The following NUP188 variants were observed in gnomAD, a reference collection of about 807,000 sequenced individuals.
NUP188 encodes the protein nucleoporin NUP188.
In NUP188, 97 loss-of-function variants were observed where a neutral mutation model predicts 223.0. That is an observed-to-expected ratio of 0.43 (90% CI 0.37 to 0.51). NUP188 has a LOEUF of 0.51. Among genes scored for constraint, NUP188 ranks in the 20% least tolerant of loss-of-function variants. The pLI is 0.00. For missense variants in NUP188, 1,947 were observed against 2,175.6 expected (o/e 0.89, Z 2.09); for synonymous variants, 869 against 828.0 (o/e 1.05, Z -0.85).
chr9:128,994,331 G>A (rs1490444367), intron 27 of NUP188, 42 bp from the exon 28 acceptor site: 4 of 1,380,578 alleles, frequency 2.9e-6, no homozygotes, highest in Non-Finnish European at 4.1e-6. Flanking sequence ...ATGACTGTGA[G>A]AGGGAAAAAG....
chr9:128,970,885 G>A lies in NUP188; in HGVS notation c.1040G>A (p.Gly347Asp), dbSNP rs1399633508. Residue 347 changes from glycine (G) to aspartate (D), a missense_variant, in exon 11 of 44, where the codon GGC becomes GAC. This residue lies in a region of NUP188 where 817 missense variants were observed against 865.8 expected (regional missense o/e 0.94). Coordinates refer to ENST00000372577, the MANE Select transcript of NUP188 (RefSeq NM_015354.3). ...AGCAGTGTGGTCCGGAAGATAGGTG[G>A]CACAGCCATCCAGCTGAATGTGTTT... ...ETSSVVRKIG[G>D]TAIQLNVFQY... 8 of 1,614,086 alleles carry A rather than the reference G, an allele frequency of 5.0e-6. 1 individual carries two copies. The South Asian group carries it at 7.7e-5, about 16-fold the overall frequency.
intron 8 of NUP188, among the ~76,000 whole-genome samples, chr9:128,963,408 C>T (rs1344913544): frequency 6.6e-6 from 1 of 151,636 alleles, no homozygotes; most frequent in Admixed American, 6.6e-5. Flanking sequence ...GCCTCAGCCT[C>T]CTGAGTAGCT....
intron 2 of NUP188, among the ~76,000 whole-genome samples, chr9:128,952,110 A>C (rs139602631): frequency 6.6e-6 from 1 of 152,234 alleles, no homozygotes; most frequent in African/African-American, 2.4e-5. Flanking sequence ...ATTATTAATA[A>C]AACTGCATTT....
Position 128,982,624 on chromosome 9 carries a change from G to T in NUP188, c.1592G>T (p.Arg531Leu), listed in dbSNP as rs750706979. ...VMLDDRAYLV[R>L]WEYSYSSWTL... ...TTGGATGATAGGGCATACCTGGTACGCTGGGAATACTCCTATAGCAGCTGG... is the reference window on the plus strand; with the variant it reads ...TTGGATGATAGGGCATACCTGGTACTCTGGGAATACTCCTATAGCAGCTGG... Residue 531 changes from arginine (R) to leucine (L), a missense_variant, in exon 16 of 44, where the codon CGC becomes CTC. This residue lies in a region of NUP188 where 817 missense variants were observed against 865.8 expected (regional missense o/e 0.94). Coordinates refer to ENST00000372577, the MANE Select transcript of NUP188 (RefSeq NM_015354.3). The T allele has an allele frequency of 5.0e-6, 8 of 1,614,134 alleles. No individual in the cohort carries two copies. In the South Asian group the frequency reaches 7.7e-5, roughly 16 times the overall value.
chr9:129,006,077 C>T lies in NUP188; in HGVS notation c.4897C>T (p.Gln1633Ter). 6.2e-7 allele frequency: 1 copy of T among 1,614,140 alleles called. No homozygotes were observed. Among genetic ancestry groups the T allele is most frequent in the Non-Finnish European group, 8.5e-7 (1 of 1,180,022 alleles). ...GGACAAGAAAAAGGAGCCCCTCACC[C>T]AGGCAGTGGGGCTCAGCACACAGGC... The part of the protein sequence containing the change: ...ELDKKKEPLT[Q>*]AVGLSTQAEG... Residue 1633 changes from glutamine to a stop codon, truncating the protein, a stop_gained, in exon 42 of 44, where the codon CAG becomes TAG. Coordinates refer to ENST00000372577, the MANE Select transcript of NUP188 (RefSeq NM_015354.3). LOFTEE classifies it high-confidence loss of function.
At position 128,994,258 on chromosome 9, in the gene NUP188, A is replaced by G. The variant is rs973490684; in HGVS notation, c.3018-115A>G. ...CGGGAACAACTGACTTATCAGACAC[A>G]TATTAGGATTGAGACTGGTAAAATA... On this transcript the variant is annotated intron_variant, in intron 27 of 43. Coordinates refer to ENST00000372577, the MANE Select transcript of NUP188 (RefSeq NM_015354.3). 8.2e-6 allele frequency: 6 copies of G among 731,264 alleles called. No individual in the cohort carries two copies. The Admixed American group carries it at 8.3e-5, about 10-fold the overall frequency. The allele number at this position is 731,264 out of a possible 1,614,324, so 45.3% of individuals were successfully genotyped here. A position where few individuals can be genotyped will look rare whatever the true frequency, so the allele number is the denominator to read the frequency against.
chr9:128,979,077 T>C (rs1001677012), intron 12 of NUP188, among the ~76,000 whole-genome samples, 185 bp from the exon 13 acceptor site: 7 of 152,228 alleles, frequency 4.6e-5, no homozygotes, highest in Non-Finnish European at 1.0e-4. Context: ...TTTATTTATT[T>C]ATTTGTTTTC....
At position 129,003,125 on chromosome 9, in the gene NUP188, C is replaced by G. The variant is rs750758276; in HGVS notation, c.4296+150C>G. ...TGAGATGCTCTAAGTACTCTGCTGG[C>G]TCACTGGCCAGCTAGTCTGCTGAAG... On this transcript the variant is annotated intron_variant, in intron 37 of 43. Transcript: ENST00000372577. The G allele has an allele frequency of 4.6e-5, 51 of 1,106,100 alleles. 1 individual carries two copies. The highest frequency in any genetic ancestry group is 3.9e-4 in the South Asian group (25 of 64,168). 68.5% of individuals were successfully genotyped at this position (1,106,100 alleles called of 1,614,324 possible).
intron 12 of NUP188, among the ~76,000 whole-genome samples, chr9:128,973,523 C>T (rs1261190864): frequency 1.3e-5 from 2 of 151,920 alleles, no homozygotes; most frequent in South Asian, 2.1e-4. Flanking sequence ...GCTGGAATTA[C>T]AGGCGTCCGC....
chr9:128,973,409 G>T (rs766777919), intron 12 of NUP188, among the ~76,000 whole-genome samples, 160 bp downstream of exon 12: 1 of 151,852 alleles, frequency 6.6e-6, no homozygotes, highest in Non-Finnish European at 1.5e-5. Context: ...TTGAGATGGA[G>T]TCCTGCTCTG....
In NUP188 at chr9:128,956,210, T is replaced by TGTGTGC. The variant is rs1554827624; in HGVS notation, c.162-139_162-138insTGTGCG. The TGTGTGC allele has an allele frequency of 5.3e-3, 2,356 of 440,816 alleles. 35 individuals are homozygous for TGTGTGC. The highest frequency in any genetic ancestry group is 7.5e-3 in the Non-Finnish European group (1,848 of 246,330). The allele number at this position is 440,816 out of a possible 1,614,324, so 27.3% of individuals were successfully genotyped here. Reference sequence around the variant, plus strand: ...GTGTGTGTGTGTGTGTGTGTGTGTGTGCGTGTGTGTGTTTGTGTGTGTGTT... The same window carrying TGTGTGC: ...GTGTGTGTGTGTGTGTGTGTGTGTGTGTGTGCGCGTGTGTGTGTTTGTGTGTGTGTT... On this transcript the variant is annotated intron_variant, in intron 3 of 43. Transcript: ENST00000372577.
Position 128,962,496 on chromosome 9 carries a change from A to T in NUP188, c.585+3362A>T, listed in dbSNP as rs558919918. Among the ~76,000 whole-genome samples, 9 of 151,540 alleles carry T rather than the reference A, an allele frequency of 5.9e-5. No homozygotes were observed. The South Asian group carries it at 1.7e-3, about 28-fold the overall frequency. ...GGTCTCCTGACCTCCTGACCCACCC[A>T]CCTCTGCCTCCCAAAGTGCTGGGAC... On this transcript the variant is annotated intron_variant, in intron 8 of 43. Transcript: ENST00000372577.
At chr9:128,958,212 A>G (rs920522158) in intron 6 of NUP188, among the ~76,000 whole-genome samples, 158 bp downstream of exon 6, 1 of 152,212 alleles carries the variant, frequency 6.6e-6, no homozygotes, top group African/African-American at 2.4e-5. Flanking sequence ...AGATGCTTTT[A>G]TCCACTGGAC....
intron 8 of NUP188, among the ~76,000 whole-genome samples, chr9:128,966,575 G>T (rs1185926682): frequency 6.6e-6 from 1 of 151,890 alleles, no homozygotes; most frequent in Non-Finnish European, 1.5e-5. Flanking sequence ...CGGGCTGAAG[G>T]GATCTGACCA....
At position 128,999,157 on chromosome 9, in the gene NUP188, C is replaced by A; in HGVS notation, c.3516-15C>A. The A allele has an allele frequency of 1.2e-6, 2 of 1,612,812 alleles. No individual in the cohort carries two copies. Among genetic ancestry groups the A allele is most frequent in the Non-Finnish European group, 8.5e-7 (1 of 1,179,098 alleles). On this transcript the variant is annotated splice_polypyrimidine_tract_variant and intron_variant, in intron 32 of 43. Coordinates refer to ENST00000372577, the MANE Select transcript of NUP188 (RefSeq NM_015354.3). The stretch of plus-strand genomic sequence containing the variant: ...CATGAGCCACCACGCCTGGCCCACC[C>A]AGTATTCTTTCTAGAGAGTTAGGTT...
intron 8 of NUP188, among the ~76,000 whole-genome samples, chr9:128,960,059 CTTTTTTT>C (rs956759518): frequency 9.6e-6 from 1 of 103,790 alleles, no homozygotes; most frequent in Non-Finnish European, 1.9e-5. Flanking sequence ...TTATTTTATT[CTTTTTTT>C]TTTTTTTTTT....
At chr9:128,999,864 G>C in intron 34 of NUP188, 59 bp downstream of exon 34, 1 of 1,508,900 alleles carries the variant, frequency 6.6e-7, no homozygotes, top group Non-Finnish European at 9.2e-7. Flanking sequence ...CTCTGTGCCT[G>C]ACTCTGGGGA....
Position 128,957,040 on chromosome 9 carries a change from G to A in NUP188, c.327+8G>A. On this transcript the variant is annotated splice_region_variant and intron_variant, in intron 5 of 43. Transcript: ENST00000372577. ...ACTCGGGACTCAGTAAAGGTTTGTG[G>A]TTTATGTCAGCTCCTTTCTTCTGCC... is the stretch of plus-strand genomic sequence containing the variant. The A allele has an allele frequency of 6.3e-7, 1 of 1,585,246 alleles. No homozygotes were observed. Among genetic ancestry groups the A allele is most frequent in the Non-Finnish European group, 8.6e-7 (1 of 1,159,612 alleles).
intron 1 of NUP188, chr9:128,948,484 G>A (rs1459868822): frequency 6.6e-6 from 1 of 152,060 alleles, no homozygotes; most frequent in East Asian, 1.9e-4. Context: ...ACTCCGAGAG[G>A]CGCCTTCTAT....
Sources: allele counts gnomAD v4.1 joint callset (sites outside exome capture counted in the v4.1 genomes callset), GRCh38; gene constraint gnomAD v4.1.1; regional missense constraint gnomAD v4.1.1; transcripts MANE v1.5; gene names NCBI Gene and HGNC (gene_info 2026-07-23, HGNC 2026-07-21).